Variants in PTN observed in about 807,000 individuals in gnomAD.
PTN encodes pleiotrophin.
In PTN, 18 loss-of-function variants were observed where a neutral mutation model predicts 24.1. The observed-to-expected ratio is 0.75, with a 90% CI of 0.52 to 1.11. PTN has a LOEUF of 1.11. Ranked by LOEUF, PTN falls within the 50% of genes least tolerant of loss-of-function variation. The pLI is 0.00. For synonymous variants in PTN, 78 were observed against 68.6 expected (o/e 1.14, Z -0.67); for missense variants, 163 against 198.8 (o/e 0.82, Z 1.08).
At chr7:137,250,443 T>C (rs1309005483) in intron 4 of PTN, among the ~76,000 whole-genome samples, 1 of 152,206 alleles carries the variant, frequency 6.6e-6, no homozygotes, top group Admixed American at 6.5e-5. Context: ...GGCCTACCCT[T>C]GTGACTGCAT....
chr7:137,256,185 A>AAT (rs983121782), intron 1 of PTN, among the ~76,000 whole-genome samples: 18 of 151,610 alleles, frequency 1.2e-4, no homozygotes, highest in African/African-American at 3.6e-4. Flanking sequence ...TGTTTTTTTA[A>AAT]ATTTATTTAT....
rs374207877 is a variant in PTN, at chr7:137,236,411, T to C, written c.452-8336A>G. ...ACATACATGTATACCAAGTAGAAAA[T>C]TGTCATTTAAACTCCTAGTTTTAGC... On this transcript the variant is annotated intron_variant, in intron 4 of 4. Coordinates refer to ENST00000348225, the MANE Select transcript of PTN (RefSeq NM_002825.7). Among the ~76,000 whole-genome samples, 47 of 152,152 alleles carry C rather than the reference T, an allele frequency of 3.1e-4. No homozygotes were observed. In the South Asian group the frequency reaches 8.9e-3, roughly 29 times the overall value.
intron 1 of PTN, among the ~76,000 whole-genome samples, chr7:137,288,171 G>T (rs1035262437): frequency 6.6e-6 from 1 of 152,138 alleles, no homozygotes; most frequent in African/African-American, 2.4e-5. Flanking sequence ...TGAGATGAAG[G>T]TCTCAAAGTG....
intron 4 of PTN, among the ~76,000 whole-genome samples, chr7:137,236,531 C>T (rs1244315233): frequency 1.3e-5 from 2 of 152,066 alleles, no homozygotes; most frequent in African/African-American, 2.4e-5. Context: ...GATTTAATGC[C>T]GAGTTTCTTT....
chr7:137,263,081 T>C (rs983438730), intron 1 of PTN, among the ~76,000 whole-genome samples: 7 of 152,192 alleles, frequency 4.6e-5, no homozygotes, highest in African/African-American at 1.4e-4. Flanking sequence ...GTGCAATAGA[T>C]TGATAGTGAT....
At chr7:137,288,929 G>GAAT (rs1809599055) in intron 1 of PTN, among the ~76,000 whole-genome samples, 1 of 152,092 alleles carries the variant, frequency 6.6e-6, no homozygotes, top group Non-Finnish European at 1.5e-5. Flanking sequence ...CCTCCACACT[G>GAAT]AATAATAATA....
At chr7:137,278,362 T>C (rs1027622072) in intron 1 of PTN, among the ~76,000 whole-genome samples, 1 of 143,702 alleles carries the variant, frequency 7.0e-6, no homozygotes, top group Non-Finnish European at 1.5e-5. Context: ...AAAAGCCAGA[T>C]TGTCAAATTA....
At chr7:137,246,131 C>T (rs1808719302) in intron 4 of PTN, among the ~76,000 whole-genome samples, 2 of 152,186 alleles carry the variant, frequency 1.3e-5, no homozygotes, top group Admixed American at 1.3e-4. Flanking sequence ...AGAGCAACTT[C>T]CAGTCCTGCA....
chr7:137,272,321 C>G (rs886818679), intron 1 of PTN, among the ~76,000 whole-genome samples: 4 of 152,200 alleles, frequency 2.6e-5, no homozygotes, highest in African/African-American at 7.2e-5. Flanking sequence ...ATTATTTAAA[C>G]CCAGAAACAT....
rs907274361 is a variant in PTN, at chr7:137,285,748, T to C, written c.-1-30774A>G. On this transcript the variant is annotated intron_variant, in intron 1 of 4. Coordinates refer to ENST00000348225, the MANE Select transcript of PTN (RefSeq NM_002825.7). ...ACCATATAATAACATCTTTGTTTAA[T>C]TGGAGTGTAAATCCAGCAACTTCAT... Among the ~76,000 whole-genome samples, 4 of 152,268 alleles carry C rather than the reference T, an allele frequency of 2.6e-5. No individual in the cohort carries two copies. The East Asian group carries it at 5.8e-4, about 22-fold the overall frequency.
chr7:137,239,379 TTTA>T (rs1434751041), intron 4 of PTN, among the ~76,000 whole-genome samples: 1 of 70,204 alleles, frequency 1.4e-5, no homozygotes, highest in African/African-American at 6.6e-5. Context: ...TTCTTTTTTA[TTTA>T]TTTATTTATT....
At chr7:137,262,924 T>C (rs1199928039) in intron 1 of PTN, among the ~76,000 whole-genome samples, 2 of 152,180 alleles carry the variant, frequency 1.3e-5, no homozygotes, top group Non-Finnish European at 2.9e-5. Flanking sequence ...GGTGCTGGGC[T>C]ACCTGCCTTT....
At chr7:137,269,695 T>C (rs1018574591) in intron 1 of PTN, among the ~76,000 whole-genome samples, 4 of 141,320 alleles carry the variant, frequency 2.8e-5, no homozygotes, top group Non-Finnish European at 4.5e-5. Context: ...TCCAGTGGCA[T>C]GACCTCTGCT....
chr7:137,338,222 A>G (rs1810479877), intron 1 of PTN, among the ~76,000 whole-genome samples: 2 of 152,134 alleles, frequency 1.3e-5, no homozygotes, highest in African/African-American at 4.8e-5. Flanking sequence ...CCCTTCATGT[A>G]TATGTTTTCA....
chr7:137,296,890 T>A (rs1279501310), intron 1 of PTN, among the ~76,000 whole-genome samples: 1 of 152,002 alleles, frequency 6.6e-6, no homozygotes, highest in East Asian at 1.9e-4. Flanking sequence ...AAGTCCTATG[T>A]AGATGTAGGT....
intron 4 of PTN, among the ~76,000 whole-genome samples, chr7:137,246,680 T>A (rs1163086224): frequency 6.6e-6 from 1 of 152,294 alleles, no homozygotes; most frequent in East Asian, 1.9e-4. Context: ...ATTTGTTATG[T>A]GGATATTAGA....
chr7:137,294,023 G>A (rs1002766801), intron 1 of PTN, among the ~76,000 whole-genome samples: 2 of 152,088 alleles, frequency 1.3e-5, no homozygotes, highest in African/African-American at 2.4e-5. Context: ...AGTATATCTT[G>A]AGTCTGTTCT....
At chr7:137,284,400 C>A (rs1809522817) in intron 1 of PTN, among the ~76,000 whole-genome samples, 1 of 151,964 alleles carries the variant, frequency 6.6e-6, no homozygotes, top group Non-Finnish European at 1.5e-5. Flanking sequence ...TTCTAACTTT[C>A]TTTCCTTGGA....
chr7:137,295,379 G>A (rs1414350544), intron 1 of PTN, among the ~76,000 whole-genome samples: 3 of 151,908 alleles, frequency 2.0e-5, no homozygotes, highest in East Asian at 1.9e-4. Context: ...CCGAAATATC[G>A]AGGACTGGGA....
Sources: allele counts gnomAD v4.1 joint callset (sites outside exome capture counted in the v4.1 genomes callset), GRCh38; gene constraint gnomAD v4.1.1; transcripts MANE v1.5; gene names NCBI Gene and HGNC (gene_info 2026-07-23, HGNC 2026-07-21).